Variants in ADAMTSL1 observed in about 807,000 individuals in gnomAD.
ADAMTSL1 encodes ADAMTS-like protein 1.
In ADAMTSL1, 126 loss-of-function variants were observed where a neutral mutation model predicts 201.8. The observed-to-expected ratio is 0.62, with a 90% CI of 0.54 to 0.72. The LOEUF (loss-of-function observed/expected upper bound fraction) is 0.72. Ranked by LOEUF, ADAMTSL1 falls within the 30% of genes least tolerant of loss-of-function variation. ADAMTSL1 has a pLI of 0.00. For missense variants in ADAMTSL1, 2,679 were observed against 2,277.8 expected (o/e 1.18, Z -3.59); for synonymous variants, 1,121 against 903.4 (o/e 1.24, Z -4.32).
At chr9:18,658,720 A>G (rs562710968) in intron 8 of ADAMTSL1, among the ~76,000 whole-genome samples, 5 of 152,340 alleles carry the variant, frequency 3.3e-5, no homozygotes, top group Non-Finnish European at 7.3e-5. Flanking sequence ...TCTGCTCATC[A>G]TAATTATAGT....
At chr9:17,975,993 G>C (rs80276410) in intron 1 of ADAMTSL1, among the ~76,000 whole-genome samples, 1 of 151,920 alleles carries the variant, frequency 6.6e-6, no homozygotes, top group Non-Finnish European at 1.5e-5. Context: ...CCCCGACTGT[G>C]TATTCTTGGC....
At chr9:18,743,037 C>T (rs1265586663) in intron 15 of ADAMTSL1, among the ~76,000 whole-genome samples, 1 of 152,068 alleles carries the variant, frequency 6.6e-6, no homozygotes. Flanking sequence ...GATCATCTAC[C>T]CTACTAATTT....
rs1588407572 is a variant in ADAMTSL1 at position 17,914,889 on chromosome 9, G to T, written c.87+7967G>T. 3.3e-5 allele frequency among the ~76,000 whole-genome samples: 5 copies of T among 152,220 alleles called. 1 individual carries two copies. Among genetic ancestry groups the T allele is most frequent in the African/African-American group, 1.2e-4 (5 of 41,540 alleles). ...CTTATACACCAATAACAGACAAACA[G>T]AGAGCCAAACCAACTAAAATTCTTG... On this transcript the variant is annotated intron_variant, in intron 1 of 29. Coordinates refer to the ADAMTSL1 transcript ENST00000680146.
chr9:18,014,817 T>C (rs1001496138), intron 1 of ADAMTSL1, among the ~76,000 whole-genome samples: 12 of 152,006 alleles, frequency 7.9e-5, no homozygotes, highest in African/African-American at 2.7e-4. Flanking sequence ...AGAACTGTCT[T>C]CTCTGAGTTT....
At position 17,952,926 on chromosome 9, in the gene ADAMTSL1, TC is replaced by T. The variant is rs1827785903; in HGVS notation, c.87+46006del. ...TCTCTCTTCCTCCTTTCCCTCCTCCTCCTCCTCCTCCTCCTCCTCCTCCTCC... is the reference window on the plus strand; with the variant it reads ...TCTCTCTTCCTCCTTTCCCTCCTCCTCTCCTCCTCCTCCTCCTCCTCCTCC... On this transcript the variant is annotated intron_variant, in intron 1 of 29. Coordinates refer to the ADAMTSL1 transcript ENST00000680146. Among the ~76,000 whole-genome samples the T allele has an allele frequency of 1.2e-4, 3 of 24,270 alleles. 1 individual carries two copies. The highest frequency in any genetic ancestry group is 3.3e-4 in the African/African-American group (3 of 8,980). The allele number at this position is 24,270 out of a possible 152,430, so 15.9% of individuals were successfully genotyped here. A position where few individuals can be genotyped will look rare whatever the true frequency, so the allele number is the denominator to read the frequency against.
At position 18,790,046 on chromosome 9, in the gene ADAMTSL1, T is replaced by A. The variant is rs569389235; in HGVS notation, c.3678-5351T>A. On this transcript the variant is annotated intron_variant, in intron 19 of 28. Transcript: ENST00000380548. ...CTCTACCCAGAACCTGAATATTTTG[T>A]CTGACAACTAGAAATTCCAAGAAGG... Among the ~76,000 whole-genome samples, 9 of 152,282 alleles carry A rather than the reference T, an allele frequency of 5.9e-5. No individual in the cohort carries two copies. The South Asian group carries it at 1.9e-3, about 32-fold the overall frequency.
chr9:18,895,108 A>C (rs1210995166), intron 26 of ADAMTSL1, among the ~76,000 whole-genome samples: 2 of 152,226 alleles, frequency 1.3e-5, no homozygotes, highest in Non-Finnish European at 2.9e-5. Context: ...TCAGTGTAAA[A>C]GTAGGCACTG....
chr9:18,117,912 ACTAACT>A (rs1239868945), intron 1 of ADAMTSL1, among the ~76,000 whole-genome samples: 1 of 152,178 alleles, frequency 6.6e-6, no homozygotes, highest in Non-Finnish European at 1.5e-5. Context: ...ACAAATTTGT[ACTAACT>A]CTATCTTTTG....
At chr9:18,439,736 G>A (rs1482294698) in intron 2 of ADAMTSL1, among the ~76,000 whole-genome samples, 1 of 152,180 alleles carries the variant, frequency 6.6e-6, no homozygotes, top group Non-Finnish European at 1.5e-5. Flanking sequence ...AGACTCTAAT[G>A]TAGTGCCTGG....
intron 2 of ADAMTSL1, among the ~76,000 whole-genome samples, chr9:18,468,827 T>C (rs917263387): frequency 6.6e-6 from 1 of 152,174 alleles, no homozygotes; most frequent in African/African-American, 2.4e-5. Flanking sequence ...AATTAAGTCT[T>C]GTAGGGAGAA....
intron 8 of ADAMTSL1, among the ~76,000 whole-genome samples, chr9:18,660,725 C>T (rs543238836): frequency 2.6e-5 from 4 of 152,206 alleles, no homozygotes; most frequent in African/African-American, 9.6e-5. Flanking sequence ...TTTTATAAAA[C>T]AAATATTGGA....
intron 2 of ADAMTSL1, among the ~76,000 whole-genome samples, chr9:18,468,165 G>C (rs1406546451): frequency 6.6e-6 from 1 of 152,134 alleles, no homozygotes; most frequent in Non-Finnish European, 1.5e-5. Flanking sequence ...TGCTCAGTAA[G>C]TGTTTGTTGA....
At chr9:17,998,602 T>A (rs1819483143) in intron 1 of ADAMTSL1, among the ~76,000 whole-genome samples, 1 of 152,046 alleles carries the variant, frequency 6.6e-6, no homozygotes, top group South Asian at 2.1e-4. Flanking sequence ...ATTTTTTCTT[T>A]TAATAATCTG....
rs533306954 is a variant in ADAMTSL1, at chr9:18,434,901, G to A, written c.208-69928G>A. Among the ~76,000 whole-genome samples the A allele has an allele frequency of 1.1e-4, 17 of 152,242 alleles. No individual in the cohort carries two copies. The East Asian group carries it at 2.3e-3, about 21-fold the overall frequency. On this transcript the variant is annotated intron_variant, in intron 2 of 29. Transcript: ENST00000680146. The stretch of plus-strand genomic sequence containing the variant: ...GAATTTTTCATGTATGTGATTCTTC[G>A]ACTGGTGTCTAAGTCAACTACTAGA...
intron 1 of ADAMTSL1, among the ~76,000 whole-genome samples, chr9:17,995,362 A>C (rs1257926231): frequency 6.6e-6 from 1 of 152,138 alleles, no homozygotes. Context: ...TACCAGATAG[A>C]TGCTACTAAG....
At chr9:18,783,547 T>C (rs1297176380) in intron 19 of ADAMTSL1, among the ~76,000 whole-genome samples, 1 of 152,204 alleles carries the variant, frequency 6.6e-6, no homozygotes, top group Admixed American at 6.5e-5. Flanking sequence ...ATATTTGTAT[T>C]CTTTAGACCA....
intron 14 of ADAMTSL1, among the ~76,000 whole-genome samples, chr9:18,720,274 C>T (rs568743290): frequency 2.0e-5 from 3 of 152,308 alleles, no homozygotes; most frequent in African/African-American, 4.8e-5. Flanking sequence ...TGAACTTAAG[C>T]AGGTCTTTTC....
At chr9:18,317,802 G>A (rs1376528337) in intron 2 of ADAMTSL1, among the ~76,000 whole-genome samples, 1 of 152,212 alleles carries the variant, frequency 6.6e-6, no homozygotes, top group East Asian at 1.9e-4. Flanking sequence ...ACAAGATTGG[G>A]ATTTAACAGT....
chr9:18,211,609 G>A (rs1356894871), intron 2 of ADAMTSL1, among the ~76,000 whole-genome samples: 2 of 152,066 alleles, frequency 1.3e-5, no homozygotes, highest in Non-Finnish European at 2.9e-5. Context: ...GACATCTGTG[G>A]GGAAGTACCT....
Sources: allele counts gnomAD v4.1 joint callset (sites outside exome capture counted in the v4.1 genomes callset), GRCh38; gene constraint gnomAD v4.1.1; transcripts MANE v1.5; gene names NCBI Gene and HGNC (gene_info 2026-07-23, HGNC 2026-07-21).